AFAP1: variants seen among roughly 807,000 people sequenced by gnomAD.
AFAP1 encodes actin filament-associated protein 1.
A neutral mutation model predicts 93.9 loss-of-function variants in AFAP1; 75 were observed. That is an observed-to-expected ratio of 0.80 (90% CI 0.66 to 0.97). AFAP1 has a LOEUF of 0.97. AFAP1 is among the 50% of genes least tolerant of loss of function. The probability of loss-of-function intolerance (pLI) is 0.00; values close to 1 mark genes in which losing one functional copy is unlikely to be tolerated. For missense variants in AFAP1, 1,201 were observed against 1,050.8 expected (o/e 1.14, Z -1.98); for synonymous variants, 517 against 430.7 (o/e 1.20, Z -2.48).
intron 5 of AFAP1, 34 bp from the exon 6 acceptor site, chr4:7,838,737 A>G: frequency 6.2e-7 from 1 of 1,602,986 alleles, no homozygotes; most frequent in Non-Finnish European, 8.5e-7. Flanking sequence ...CTGATATTAT[A>G]AGGGAGTTCG....
At position 7,827,299 on chromosome 4, in the gene AFAP1, C is replaced by T. The variant is rs139580526; in HGVS notation, c.727-8128G>A. 8.8e-3 allele frequency among the ~76,000 whole-genome samples: 1,346 copies of T among 152,152 alleles called. 16 individuals are homozygous for T. Among genetic ancestry groups the T allele is most frequent in the African/African-American group, 0.031 (1,273 of 41,510 alleles). ...TCAAAAGGAGAGGAGAGGCCGGGCA[C>T]GGTGGCTCATGCCTGTCATCCCAGC... On this transcript the variant is annotated intron_variant, in intron 6 of 17. Transcript: ENST00000420658.
At chr4:7,898,577 G>A (rs940993750) in intron 1 of AFAP1, among the ~76,000 whole-genome samples, 6 of 151,514 alleles carry the variant, frequency 4.0e-5, no homozygotes, top group Admixed American at 2.6e-4. Context: ...AAGAGCATAC[G>A]GGAATTCTCT....
chr4:7,905,865 A>G (rs6832352), intron 1 of AFAP1, among the ~76,000 whole-genome samples: 134,107 of 152,254 alleles, frequency 0.88, 59,318 homozygotes, highest in African/African-American at 0.96. Context: ...AACATTTACC[A>G]AACAGCCTGC....
chr4:7,822,896 C>G lies in AFAP1; in HGVS notation c.727-3725G>C, dbSNP rs1008430808. The stretch of plus-strand genomic sequence containing the variant: ...GCGTGAGCCACTGCGCCCGGCCCCT[C>G]TTTCTTTTTTTTTTTCAACAGGGGA... On this transcript the variant is annotated intron_variant, in intron 6 of 17. Transcript: ENST00000420658. Among the ~76,000 whole-genome samples, 18 of 143,926 alleles carry G rather than the reference C, an allele frequency of 1.3e-4. 1 individual carries two copies. Among genetic ancestry groups the G allele is most frequent in the Admixed American group, 8.3e-4 (12 of 14,542 alleles). 94.4% of individuals were successfully genotyped at this position (143,926 alleles called of 152,430 possible).
At chr4:7,921,251 T>G (rs1720428670) in intron 1 of AFAP1, among the ~76,000 whole-genome samples, 2 of 139,718 alleles carry the variant, frequency 1.4e-5, no homozygotes, top group South Asian at 4.8e-4. Flanking sequence ...TGGTGCACTC[T>G]TGGCTCACTG....
intron 1 of AFAP1, among the ~76,000 whole-genome samples, chr4:7,933,598 T>G (rs188636248): frequency 2.8e-3 from 420 of 152,204 alleles, no homozygotes; most frequent in African/African-American, 9.9e-3. Flanking sequence ...AAAAAGGGTA[T>G]AGAACTTTCT....
At chr4:7,875,610 C>T (rs1303387707) in intron 1 of AFAP1, among the ~76,000 whole-genome samples, 1 of 149,066 alleles carries the variant, frequency 6.7e-6, no homozygotes, top group African/African-American at 2.5e-5. Flanking sequence ...CAGAGTGAGA[C>T]CCTGACTCTC....
intron 4 of AFAP1, among the ~76,000 whole-genome samples, chr4:7,851,088 G>A (rs1714384789): frequency 6.6e-6 from 1 of 152,200 alleles, no homozygotes; most frequent in African/African-American, 2.4e-5. Context: ...GGCTCACCCA[G>A]GCAAGGCGAG....
intron 6 of AFAP1, among the ~76,000 whole-genome samples, chr4:7,822,266 C>A (rs1221769292): frequency 2.0e-5 from 3 of 152,090 alleles, no homozygotes; most frequent in African/African-American, 7.2e-5. Flanking sequence ...ATTCTCAGAG[C>A]CTTGCTTCCT....
At chr4:7,902,832 A>C (rs577213815) in intron 1 of AFAP1, among the ~76,000 whole-genome samples, 2 of 152,314 alleles carry the variant, frequency 1.3e-5, no homozygotes, top group East Asian at 1.9e-4. Context: ...CCTGGGCCTC[A>C]GCCTTTACTT....
At chr4:7,887,960 G>T (rs1041769681) in intron 1 of AFAP1, among the ~76,000 whole-genome samples, 13 of 152,070 alleles carry the variant, frequency 8.5e-5, no homozygotes, top group Admixed American at 7.9e-4. Context: ...CCAAGTAGCT[G>T]GGATTACAGG....
chr4:7,781,751 G>A (rs904901660), intron 12 of AFAP1, 124 bp from the exon 13 acceptor site: 4 of 1,195,376 alleles, frequency 3.3e-6, no homozygotes, highest in Non-Finnish European at 4.6e-6. Flanking sequence ...ACACTCTCCT[G>A]CACACAGACT....
chr4:7,916,085 A>T (rs1376391728), intron 1 of AFAP1, among the ~76,000 whole-genome samples: 1 of 152,128 alleles, frequency 6.6e-6, no homozygotes, highest in Non-Finnish European at 1.5e-5. Flanking sequence ...CCCACCTGGA[A>T]GGCACTGCCT....
At chr4:7,838,279 AG>A (rs1384897079) in intron 6 of AFAP1, among the ~76,000 whole-genome samples, 1 of 152,224 alleles carries the variant, frequency 6.6e-6, no homozygotes, top group African/African-American at 2.4e-5. Context: ...GGAAAATAAA[AG>A]AGAAAGTCGT....
intron 1 of AFAP1, among the ~76,000 whole-genome samples, chr4:7,897,053 T>A (rs1462145061): frequency 6.6e-6 from 1 of 152,200 alleles, no homozygotes; most frequent in Non-Finnish European, 1.5e-5. Context: ...CTTCTCCTAA[T>A]TCTATCCACT....
intron 7 of AFAP1, 110 bp downstream of exon 7, chr4:7,818,966 C>T (rs578226540): frequency 2.8e-6 from 3 of 1,065,462 alleles, no homozygotes; most frequent in African/African-American, 3.2e-5. Context: ...TGCACTTTTT[C>T]TTTTTTAACT....
intron 9 of AFAP1, among the ~76,000 whole-genome samples, chr4:7,806,986 GGCCTGTGGGACAGGGAACCA>G (rs1453591583): frequency 1.7e-4 from 26 of 152,188 alleles, no homozygotes; most frequent in Admixed American, 1.7e-3. Context: ...ATAAGGGGAA[GGCCTGTGGGACAGGGAACCA>G]GCACAGTTGG....
At chr4:7,872,149 T>G (rs1465859613) in intron 1 of AFAP1, 69 bp from the exon 2 acceptor site, 6 of 1,570,356 alleles carry the variant, frequency 3.8e-6, no homozygotes. Context: ...GAATACTGAG[T>G]CTTACTCGAA....
intron 3 of AFAP1, among the ~76,000 whole-genome samples, chr4:7,863,154 G>A (rs761867036): frequency 4.6e-5 from 7 of 152,234 alleles, no homozygotes; most frequent in African/African-American, 7.2e-5. Flanking sequence ...GGTGGCTCAC[G>A]CCTATAATCC....
Sources: gnomAD v4.1 joint callset for allele counts (sites outside exome capture counted in the v4.1 genomes callset) on GRCh38, gnomAD v4.1.1 for gene constraint, MANE v1.5 for transcripts, NCBI Gene and HGNC (gene_info 2026-07-23, HGNC 2026-07-21) for gene names.